Variants in DCLRE1C observed in about 807,000 individuals in gnomAD.
The protein encoded by DCLRE1C is DNA cross-link repair 1C.
A neutral mutation model predicts 61.4 loss-of-function variants in DCLRE1C; 47 were observed. The observed-to-expected ratio is 0.77, with a 90% CI of 0.61 to 0.98. The LOEUF (loss-of-function observed/expected upper bound fraction) is 0.98, where lower values mean the gene tolerates loss of function less well. DCLRE1C is among the 50% of genes least tolerant of loss of function. The pLI is 0.00. For synonymous variants in DCLRE1C, 337 were observed against 287.6 expected, an observed-to-expected ratio of 1.17 and a Z score of -1.74; for missense variants, 858 against 816.0, an observed-to-expected ratio of 1.05 and a Z score of -0.63.
chr10:14,945,184 TTCAAG>T lies in DCLRE1C; in HGVS notation c.162_166del (p.Ser54ArgfsTer11). On this transcript the variant is annotated frameshift_variant and splice_region_variant, in exon 3 of 14. Coordinates refer to ENST00000378278, the MANE Select transcript of DCLRE1C (RefSeq NM_001033855.3). LOFTEE classifies it high-confidence loss of function. The stretch of plus-strand genomic sequence containing the variant: ...CACAGGTGAACAGTATAGATAAACC[TTCAAG>T]CTGAAAGGAAAAAAGAAAAAAACTT... 6.2e-7 allele frequency: 1 copy of T among 1,612,066 alleles called. No homozygotes were observed. Among genetic ancestry groups the T allele is most frequent in the Non-Finnish European group, 8.5e-7 (1 of 1,179,194 alleles).
chr10:14,913,171 T>C lies in DCLRE1C; in HGVS notation c.1157-3841A>G, dbSNP rs183136452. Among the ~76,000 whole-genome samples, 608 of 152,374 alleles carry C rather than the reference T, an allele frequency of 4.0e-3. 2 individuals carry two copies. The highest frequency in any genetic ancestry group is 0.02 in the Middle Eastern group (6 of 294). On this transcript the variant is annotated intron_variant, in intron 13 of 13. Transcript: ENST00000378278. ...GTGCCTGGCCATATGAGTTCTCTTATATGAAGTGTCCAGAAAACACAAATC... is the reference window on the plus strand; with the variant it reads ...GTGCCTGGCCATATGAGTTCTCTTACATGAAGTGTCCAGAAAACACAAATC...
At chr10:14,939,731 T>C (rs1269769216) in intron 4 of DCLRE1C, 79 bp downstream of exon 4, 7 of 1,266,358 alleles carry the variant, frequency 5.5e-6, no homozygotes, top group East Asian at 2.5e-5. Flanking sequence ...AGCATCTGAC[T>C]GCAAAATCAA....
intron 2 of DCLRE1C, 71 bp downstream of exon 2, chr10:14,948,965 T>C (rs1170313811): frequency 1.6e-5 from 17 of 1,068,272 alleles, no homozygotes; most frequent in Non-Finnish European, 2.2e-5. Context: ...TGGATGTATA[T>C]ACTTTTCTGT....
At chr10:14,899,509 C>A (rs373066474) in intron 13 of DCLRE1C, 6 of 1,609,710 alleles carry the variant, frequency 3.7e-6, no homozygotes, top group Non-Finnish European at 4.2e-6. Flanking sequence ...TCAGTAGCTA[C>A]GTAATATACT....
intron 11 of DCLRE1C, among the ~76,000 whole-genome samples, 184 bp downstream of exon 11, chr10:14,926,657 CAA>C (rs74328549): frequency 4.7e-4 from 30 of 64,294 alleles, no homozygotes; most frequent in Admixed American, 6.7e-4. Context: ...CTGTCTCAAC[CAA>C]AAAAAAAAAA....
intron 2 of DCLRE1C, among the ~76,000 whole-genome samples, chr10:14,946,752 G>C (rs1301332944): frequency 2.0e-5 from 3 of 151,972 alleles, no homozygotes; most frequent in Non-Finnish European, 4.4e-5. Context: ...TGAGCACCTG[G>C]GACTACAGCA....
intron 13 of DCLRE1C, among the ~76,000 whole-genome samples, chr10:14,913,419 T>A (rs1201495694): frequency 1.3e-5 from 2 of 152,208 alleles, no homozygotes; most frequent in Non-Finnish European, 2.9e-5. Flanking sequence ...GCTTAAAAAA[T>A]AATTTTGTAT....
chr10:14,915,637 G>C (rs1836055685), intron 13 of DCLRE1C, among the ~76,000 whole-genome samples: 1 of 149,448 alleles, frequency 6.7e-6, no homozygotes, highest in Admixed American at 6.7e-5. Context: ...CACATTTGTA[G>C]TTAAAAAAAA....
At chr10:14,946,465 G>T (rs917179240) in intron 2 of DCLRE1C, among the ~76,000 whole-genome samples, 5 of 152,138 alleles carry the variant, frequency 3.3e-5, no homozygotes, top group Non-Finnish European at 7.4e-5. Flanking sequence ...GACTGGCGGG[G>T]TCTATGTTCC....
Position 14,934,520 on chromosome 10 carries a change from C to G in DCLRE1C, c.538G>C (p.Glu180Gln), listed in dbSNP as rs748706598. 6.2e-7 allele frequency: 1 copy of G among 1,614,082 alleles called. No homozygotes were observed. Among genetic ancestry groups the G allele is most frequent in the African/African-American group, 1.3e-5 (1 of 75,010 alleles). The change falls in exon 8 of 14, where the codon GAG becomes CAG. Residue 180 changes from glutamate to glutamine, a missense_variant and splice_region_variant. Around this residue, in one of 2 missense-constraint regions of DCLRE1C, gnomAD observed 843 missense variants for 783.5 expected, o/e 1.08. Coordinates refer to ENST00000378278, the MANE Select transcript of DCLRE1C (RefSeq NM_001033855.3). ...DPRFYQIPSR[E>Q]ECLSGVLELV... ...TCTAAGACTCCACTTAAACACTCCT[C>G]CTAGACAGGATTTTAAAGAGACATT...
At chr10:14,945,235 C>A in intron 2 of DCLRE1C, 46 bp from the exon 3 acceptor site, 1 of 1,552,804 alleles carries the variant, frequency 6.4e-7, no homozygotes, top group Non-Finnish European at 8.8e-7. Context: ...CCAAAATGAG[C>A]CATCTTGGTG....
chr10:14,913,096 T>A (rs1185150503), intron 13 of DCLRE1C, among the ~76,000 whole-genome samples: 1 of 152,230 alleles, frequency 6.6e-6, no homozygotes, highest in Non-Finnish European at 1.5e-5. Flanking sequence ...GACCTCATGA[T>A]CCACCTGCCT....
chr10:14,905,226 T>A lies in DCLRE1C; in HGVS notation c.*3182A>T, dbSNP rs1054219384. ...TGGTTCATGCATTTGATACTACACTTGATCTTGGCCAAAAGGCCAAGGAGT... is the reference window on the plus strand; with the variant it reads ...TGGTTCATGCATTTGATACTACACTAGATCTTGGCCAAAAGGCCAAGGAGT... On this transcript the variant is annotated 3_prime_UTR_variant, in exon 14 of 14. Coordinates refer to ENST00000378278, the MANE Select transcript of DCLRE1C (RefSeq NM_001033855.3). 6.6e-6 allele frequency among the ~76,000 whole-genome samples: 1 copy of A among 152,260 alleles called. No individual in the cohort carries two copies. Among genetic ancestry groups the A allele is most frequent in the Admixed American group, 6.5e-5 (1 of 15,290 alleles).
In DCLRE1C at chr10:14,939,855, G is replaced by A. The variant is rs191086777; in HGVS notation, c.261C>T (p.Ile87=). 7.5e-6 allele frequency: 12 copies of A among 1,594,064 alleles called. No individual in the cohort carries two copies. Among genetic ancestry groups the A allele is most frequent in the South Asian group, 6.7e-5 (6 of 89,502 alleles). The part of the protein sequence containing the change: ...FWKKRIISIE[I]ETPTQISLVD... ...CTAAAGATATCTGGGTAGGAGTCTC[G>A]ATTTCAATAGATATCTATAAAAATA... Residue 87 remains isoleucine, a synonymous_variant, in exon 4 of 14, where the codon ATC becomes ATT. Coordinates refer to ENST00000378278, the MANE Select transcript of DCLRE1C (RefSeq NM_001033855.3).
At chr10:14,938,435 T>G (rs1423144397) in intron 4 of DCLRE1C, among the ~76,000 whole-genome samples, 2 of 152,174 alleles carry the variant, frequency 1.3e-5, no homozygotes, top group African/African-American at 2.4e-5. Flanking sequence ...ACTTCAACTG[T>G]CTGATCTTCA....
chr10:14,926,874 G>A lies in DCLRE1C; in HGVS notation c.941C>T (p.Ala314Val), dbSNP rs1838083133. 1 of 1,613,382 alleles carries A rather than the reference G, an allele frequency of 6.2e-7. No homozygotes were observed. Among genetic ancestry groups the A allele is most frequent in the Admixed American group, 1.7e-5 (1 of 59,980 alleles). The part of the protein sequence containing the change: ...IVRTGESSYR[A>V]CFSFHSSYSE... ...GTAGGAGGAGTGAAAAGAAAAACAA[G>A]CTCTGTATGAACTCTCTCCAGTCCT... Residue 314 changes from alanine (A) to valine (V), a missense_variant, in exon 11 of 14, where the codon GCT (alanine) becomes GTT (valine). Transcript: ENST00000378278.
intron 3 of DCLRE1C, among the ~76,000 whole-genome samples, chr10:14,943,518 G>A (rs1348319856): frequency 1.3e-5 from 2 of 151,996 alleles, no homozygotes. Flanking sequence ...TTTTATCTAT[G>A]TCTCTTATAG....
chr10:14,942,962 TA>T (rs1399246048), intron 3 of DCLRE1C, among the ~76,000 whole-genome samples: 1 of 151,966 alleles, frequency 6.6e-6, no homozygotes, highest in Non-Finnish European at 1.5e-5. Flanking sequence ...CCATCTCTAC[TA>T]AAAAATACAA....
chr10:14,954,187 G>C (rs1346042184), upstream of DCLRE1C: 5 of 1,040,034 alleles, frequency 4.8e-6, 1 homozygote, highest in Non-Finnish European at 7.1e-6. Flanking sequence ...GCATCCGGTC[G>C]GGTTCTAGGC....
Sources: allele counts gnomAD v4.1 joint callset (sites outside exome capture counted in the v4.1 genomes callset), GRCh38; gene constraint gnomAD v4.1.1; regional missense constraint gnomAD v4.1.1; transcripts MANE v1.5; gene names NCBI Gene and HGNC (gene_info 2026-07-23, HGNC 2026-07-21).